The following CDH17 variants were observed in gnomAD, a reference collection of about 807,000 sequenced individuals.
CDH17 encodes the protein cadherin-17.
CDH17 carries 67 observed loss-of-function variants against 86.3 expected under a neutral mutation model. That is an observed-to-expected ratio of 0.78 (90% CI 0.64 to 0.95). CDH17 has a LOEUF of 0.95. CDH17 is among the 40% of genes least tolerant of loss of function. The probability of loss-of-function intolerance (pLI) is 0.00; values close to 1 mark genes in which losing one functional copy is unlikely to be tolerated. For missense variants in CDH17, 993 were observed against 1,017.6 expected, an observed-to-expected ratio of 0.98 and a Z score of 0.33; for synonymous variants, 367 against 366.4, an observed-to-expected ratio of 1.00 and a Z score of -0.02.
At chr8:94,180,961 CAA>C (rs1365337147) in intron 3 of CDH17, among the ~76,000 whole-genome samples, 1 of 114,888 alleles carries the variant, frequency 8.7e-6, no homozygotes, top group Non-Finnish European at 1.9e-5. Flanking sequence ...AAAAAAAAAA[CAA>C]AGTGCTGAAA....
chr8:94,141,096 A>G (rs1484053949), intron 15 of CDH17, among the ~76,000 whole-genome samples: 2 of 152,164 alleles, frequency 1.3e-5, no homozygotes, highest in Non-Finnish European at 2.9e-5. Context: ...CCAACAATAC[A>G]TAAACATGGT....
At chr8:94,198,008 T>G (rs1813820297) in intron 1 of CDH17, among the ~76,000 whole-genome samples, 1 of 151,980 alleles carries the variant, frequency 6.6e-6, no homozygotes, top group South Asian at 2.1e-4. Flanking sequence ...CCAACCAGAT[T>G]ATCAATTCCA....
rs1050216206 is a variant in CDH17, at chr8:94,195,764, T to C, written c.-20-1059A>G. 2.5e-4 allele frequency among the ~76,000 whole-genome samples: 38 copies of C among 149,934 alleles called. No homozygotes were observed. In the South Asian group the frequency reaches 7.8e-3, roughly 31 times the overall value. ...CCCCAAAAGACAGTCAAGGAAATTT[T>C]TTTTTTTTTTTTTGGAGACAGAGTC... On this transcript the variant is annotated intron_variant, in intron 1 of 17. Transcript: ENST00000027335.
chr8:94,197,795 T>A (rs1021662752), intron 1 of CDH17, among the ~76,000 whole-genome samples: 4 of 147,332 alleles, frequency 2.7e-5, no homozygotes, highest in Non-Finnish European at 4.5e-5. Flanking sequence ...TGGGCCATTG[T>A]ACTCCAGCCT....
chr8:94,190,140 G>A (rs1011245179), intron 2 of CDH17, among the ~76,000 whole-genome samples: 1 of 152,172 alleles, frequency 6.6e-6, no homozygotes, highest in Admixed American at 6.5e-5. Context: ...CTGGCAGAAA[G>A]TTACTATTGT....
chr8:94,146,566 A>C lies in CDH17; in HGVS notation c.1928-399T>G, dbSNP rs1345223057. Reference sequence around the variant, plus strand: ...TCTTCAGCTGTGTGGCTTTGCAAGAATCCCACATATGAGTGAATGTTCTGG... The same window carrying C: ...TCTTCAGCTGTGTGGCTTTGCAAGACTCCCACATATGAGTGAATGTTCTGG... On this transcript the variant is annotated intron_variant, in intron 14 of 17. Transcript: ENST00000027335. Among the ~76,000 whole-genome samples, 5 of 152,214 alleles carry C rather than the reference A, an allele frequency of 3.3e-5. No individual in the cohort carries two copies. In the East Asian group the frequency reaches 9.6e-4, roughly 29 times the overall value.
intron 3 of CDH17, among the ~76,000 whole-genome samples, chr8:94,179,500 C>A (rs1813437113): frequency 6.6e-6 from 1 of 152,232 alleles, no homozygotes; most frequent in African/African-American, 2.4e-5. Flanking sequence ...AGGCCACTAT[C>A]ATGAGCAGGG....
At chr8:94,188,038 C>T (rs1808247058) in intron 3 of CDH17, among the ~76,000 whole-genome samples, 1 of 152,142 alleles carries the variant, frequency 6.6e-6, no homozygotes, top group African/African-American at 2.4e-5. Context: ...TCAGCCTCTC[C>T]TCTGTGGAGG....
Position 94,177,687 on chromosome 8 carries a change from A to G in CDH17, c.185T>C (p.Leu62Pro). The G allele has an allele frequency of 6.2e-7, 1 of 1,613,790 alleles. No homozygotes were observed. Among genetic ancestry groups the G allele is most frequent in the Non-Finnish European group, 8.5e-7 (1 of 1,179,786 alleles). Residue 62 changes from leucine to proline, a missense_variant, in exon 4 of 18, where the codon CTA becomes CCA. Physicochemically the swap from Leu to Pro is moderately conservative, Grantham distance 98. Coordinates refer to ENST00000027335, the MANE Select transcript of CDH17 (RefSeq NM_004063.4). ...KANPPAVTFE[L>P]TGETDNIFVI... ...AAATATGTTGTCTGTCTCCCCAGTT[A>G]GTTCAAAAGTCACAGCAGGAGGATT...
chr8:94,142,415 G>T (rs1812657764), intron 15 of CDH17, among the ~76,000 whole-genome samples: 1 of 152,198 alleles, frequency 6.6e-6, no homozygotes, highest in Non-Finnish European at 1.5e-5. Flanking sequence ...CCTTCAATGA[G>T]TCATAATCTT....
At chr8:94,204,423 T>C (rs1028742538) in intron 1 of CDH17, among the ~76,000 whole-genome samples, 2 of 152,190 alleles carry the variant, frequency 1.3e-5, no homozygotes, top group African/African-American at 4.8e-5. Flanking sequence ...TGTGTTAGTT[T>C]GCTGAGAATG....
chr8:94,189,163 A>T (rs756414603), intron 3 of CDH17, 24 bp downstream of exon 3: 118 of 1,505,096 alleles, frequency 7.8e-5, no homozygotes, highest in Non-Finnish European at 1.1e-4. Flanking sequence ...AATCAAGAGG[A>T]CAGTGATCAA....
At chr8:94,159,520 G>A (rs1813008327) in intron 12 of CDH17, among the ~76,000 whole-genome samples, 1 of 152,188 alleles carries the variant, frequency 6.6e-6, no homozygotes, top group Non-Finnish European at 1.5e-5. Context: ...ATTTGCAAAG[G>A]GGGAAGTGAA....
In CDH17 at chr8:94,170,983, C is replaced by T; in HGVS notation, c.786G>A (p.Val262=). The change falls in exon 8 of 18, where the codon GTG becomes GTA. Residue 262 remains valine, a splice_region_variant and synonymous_variant. Transcript: ENST00000027335. ...ATTGTGCACCGGGATCATTCCACCG[C>T]ACCTACAGGGCCCAAAGTCAGTTGT... ...TDPHPIKITQ[V]RWNDPGAQYS... 1 of 1,613,436 alleles carries T rather than the reference C, an allele frequency of 6.2e-7. No individual in the cohort carries two copies. Among genetic ancestry groups the T allele is most frequent in the South Asian group, 1.1e-5 (1 of 90,998 alleles).
chr8:94,195,407 A>G (rs1813764391), intron 1 of CDH17, among the ~76,000 whole-genome samples: 1 of 152,208 alleles, frequency 6.6e-6, no homozygotes, highest in South Asian at 2.1e-4. Flanking sequence ...TCCGCAAGTG[A>G]AAAGAACTAA....
At chr8:94,210,804 T>A (rs1296525043), upstream of CDH17, among the ~76,000 whole-genome samples, 1 of 152,096 alleles carries the variant, frequency 6.6e-6, no homozygotes, top group African/African-American at 2.4e-5. Context: ...GCAGATTACC[T>A]GAGGTCAGGA....
At chr8:94,148,479 T>C (rs1261003632) in intron 14 of CDH17, among the ~76,000 whole-genome samples, 2 of 139,438 alleles carry the variant, frequency 1.4e-5, no homozygotes, top group African/African-American at 5.5e-5. Context: ...GAGGTGGAGG[T>C]TGCAGTGAGT....
At chr8:94,137,710 A>G (rs931076437) in intron 15 of CDH17, among the ~76,000 whole-genome samples, 1 of 149,970 alleles carries the variant, frequency 6.7e-6, no homozygotes, top group African/African-American at 2.5e-5. Flanking sequence ...GTAAAAAAAA[A>G]CCTAACTAAC....
intron 10 of CDH17, among the ~76,000 whole-genome samples, chr8:94,165,413 G>A (rs1381175528): frequency 3.3e-5 from 5 of 152,054 alleles, no homozygotes; most frequent in African/African-American, 7.2e-5. Flanking sequence ...TTCACCCAGC[G>A]TCAGGCATCA....
Sources: allele counts gnomAD v4.1 joint callset (sites outside exome capture counted in the v4.1 genomes callset), GRCh38; gene constraint gnomAD v4.1.1; transcripts MANE v1.5; gene names NCBI Gene and HGNC (gene_info 2026-07-23, HGNC 2026-07-21).